Variants in SLCO3A1 observed in about 807,000 individuals in gnomAD.
The protein encoded by SLCO3A1 is PGE1 transporter.
Under a neutral mutation model 63.1 loss-of-function variants are expected in SLCO3A1, and 27 were observed. The ratio of observed to expected loss-of-function variants is 0.43; its 90% CI spans 0.32 to 0.59. SLCO3A1 has a LOEUF of 0.59. Ranked by LOEUF, SLCO3A1 falls within the 20% of genes least tolerant of loss-of-function variation. SLCO3A1 has a pLI of 0.09. For missense variants in SLCO3A1, 773 were observed against 945.8 expected, an observed-to-expected ratio of 0.82 and a Z score of 2.40; for synonymous variants, 473 against 409.9, an observed-to-expected ratio of 1.15 and a Z score of -1.86.
rs534506388 is a variant in SLCO3A1, at chr15:91,865,195, G to C, written c.180+11107G>C. On this transcript the variant is annotated intron_variant, in intron 1 of 9. Transcript: ENST00000318445. The surrounding 1 kb of genome is among the most constrained non-coding windows in gnomAD (Gnocchi z 4.6). Reference sequence around the variant, plus strand: ...TTCTGAGCTCTTTTGTACTTTATTTGGGAACAGGAATAAGTGGGGACTTGA... The same window carrying C: ...TTCTGAGCTCTTTTGTACTTTATTTCGGAACAGGAATAAGTGGGGACTTGA... Among the ~76,000 whole-genome samples, 1 of 152,282 alleles carries C rather than the reference G, an allele frequency of 6.6e-6. No homozygotes were observed. Among genetic ancestry groups the C allele is most frequent in the East Asian group, 1.9e-4 (1 of 5,184 alleles).
At chr15:92,056,647 A>G (rs903194296) in intron 2 of SLCO3A1, among the ~76,000 whole-genome samples, 3 of 152,118 alleles carry the variant, frequency 2.0e-5, no homozygotes, top group South Asian at 4.1e-4. Context: ...TCCCTTTCAA[A>G]CAATTTGCAA....
At chr15:92,155,947 C>T (rs1383953221) in intron 9 of SLCO3A1, among the ~76,000 whole-genome samples, 1 of 152,178 alleles carries the variant, frequency 6.6e-6, no homozygotes, top group Non-Finnish European at 1.5e-5. Flanking sequence ...CTTAATTTTC[C>T]AGCCTGCCCG....
At chr15:92,146,937 A>G in intron 7 of SLCO3A1, 47 bp from the exon 8 acceptor site, 1 of 1,540,810 alleles carries the variant, frequency 6.5e-7, no homozygotes, top group South Asian at 1.3e-5. Flanking sequence ...TTGCCTTTGG[A>G]AACCGGAAGT....
chr15:91,991,585 A>C (rs1377752769), intron 2 of SLCO3A1, among the ~76,000 whole-genome samples: 2 of 152,220 alleles, frequency 1.3e-5, no homozygotes, highest in East Asian at 3.9e-4. Context: ...CATGTTTCAA[A>C]AGTTAAAAGA....
chr15:92,130,061 G>A (rs2047973769), intron 7 of SLCO3A1, among the ~76,000 whole-genome samples: 1 of 152,210 alleles, frequency 6.6e-6, no homozygotes, highest in Admixed American at 6.5e-5. Flanking sequence ...TTATAAATCA[G>A]TCTCGGTTAT....
At chr15:91,976,362 T>G (rs1026001178) in intron 2 of SLCO3A1, among the ~76,000 whole-genome samples, 1 of 152,262 alleles carries the variant, frequency 6.6e-6, no homozygotes, top group African/African-American at 2.4e-5. Flanking sequence ...TTTTGCATGT[T>G]TCTACTTTTA....
intron 2 of SLCO3A1, among the ~76,000 whole-genome samples, chr15:91,932,270 T>C (rs974354074): frequency 2.0e-5 from 3 of 152,160 alleles, no homozygotes; most frequent in African/African-American, 7.2e-5. Context: ...ATTGATTTTT[T>C]GTCATCATGG....
At chr15:92,011,834 C>G (rs1359844821) in intron 2 of SLCO3A1, among the ~76,000 whole-genome samples, 1 of 152,222 alleles carries the variant, frequency 6.6e-6, no homozygotes, top group Non-Finnish European at 1.5e-5. Flanking sequence ...TAGCAGCCCT[C>G]TAGTGATGTG....
At chr15:91,959,255 G>A (rs1461759947) in intron 2 of SLCO3A1, among the ~76,000 whole-genome samples, 1 of 152,014 alleles carries the variant, frequency 6.6e-6, no homozygotes, top group Non-Finnish European at 1.5e-5. Flanking sequence ...GAGATATAAT[G>A]GACTCTGGGG....
intron 7 of SLCO3A1, among the ~76,000 whole-genome samples, chr15:92,134,292 T>C (rs943603089): frequency 6.6e-6 from 1 of 152,238 alleles, no homozygotes; most frequent in African/African-American, 2.4e-5. Context: ...TGGTAATGGC[T>C]TGTCAGAAGG....
In SLCO3A1 at chr15:91,883,846, C is replaced by T. The variant is rs1897658111; in HGVS notation, c.180+29758C>T. 1.3e-5 allele frequency among the ~76,000 whole-genome samples: 2 copies of T among 152,210 alleles called. No homozygotes were observed. Among genetic ancestry groups the T allele is most frequent in the African/African-American group, 4.8e-5 (2 of 41,452 alleles). ...CTGTGGGTCCACACCCCGTGCCAGGCACCGTGTTACATGCATTTCTTCTGC... is the reference window on the plus strand; with the variant it reads ...CTGTGGGTCCACACCCCGTGCCAGGTACCGTGTTACATGCATTTCTTCTGC... On this transcript the variant is annotated intron_variant, in intron 1 of 9. Transcript: ENST00000318445. This position sits in a 1 kb window ranked among gnomAD's most constrained non-coding sequence, Gnocchi z 4.8.
Position 92,150,968 on chromosome 15 carries a change from C to G in SLCO3A1, c.1707C>G (p.Leu569=). ...IILIRTVSPE[L]KSYALGVLFL... ...CACGTAGGACAGTCAGCCCTGAACT[C>G]AAGTCTTACGCTTTGGGAGTTCTTT... is the stretch of plus-strand genomic sequence containing the variant. Residue 569 remains leucine (L), a synonymous_variant, in exon 9 of 10, where the codon CTC becomes CTG. Coordinates refer to ENST00000318445, the MANE Select transcript of SLCO3A1 (RefSeq NM_013272.4). 6.2e-7 allele frequency: 1 copy of G among 1,612,662 alleles called. No individual in the cohort carries two copies. Among genetic ancestry groups the G allele is most frequent in the Non-Finnish European group, 8.5e-7 (1 of 1,179,466 alleles).
At position 91,853,713 on chromosome 15, in the gene SLCO3A1, C is replaced by CGCGGCGGCGGCG. The variant is rs58284139; in HGVS notation, c.-186_-175dup. 1.3e-4 allele frequency: 43 copies of CGCGGCGGCGGCG among 341,950 alleles called. 1 individual carries two copies. In the South Asian group the frequency reaches 3.1e-3, roughly 24 times the overall value. The allele number at this position is 341,950 out of a possible 1,614,324, so 21.2% of individuals were successfully genotyped here. On this transcript the variant is annotated 5_prime_UTR_variant, in exon 1 of 10. Transcript: ENST00000318445. ...GGGAGGAGGAGGAGGAAGGGGCGATCGCGGCGGCGGCGGCGGCGGCGAGGA... is the reference window on the plus strand; with the variant it reads ...GGGAGGAGGAGGAGGAAGGGGCGATCGCGGCGGCGGCGGCGGCGGCGGCGGCGGCGGCGAGGA...
chr15:92,128,286 A>G (rs1293395357), intron 6 of SLCO3A1, 65 bp from the exon 7 acceptor site: 11 of 1,599,672 alleles, frequency 6.9e-6, no homozygotes, highest in Non-Finnish European at 9.4e-6. Flanking sequence ...AAAGGCTGTC[A>G]CTGGGGGCAT....
intron 2 of SLCO3A1, among the ~76,000 whole-genome samples, chr15:91,957,118 T>TATATAGTATATA (rs1900259204): frequency 2.7e-5 from 1 of 36,760 alleles, no homozygotes; most frequent in South Asian, 7.6e-4. Context: ...ATATATATAA[T>TATATAGTATATA]ATATATAATA....
At chr15:91,940,521 C>T (rs1010659104) in intron 2 of SLCO3A1, among the ~76,000 whole-genome samples, 6 of 152,180 alleles carry the variant, frequency 3.9e-5, no homozygotes, top group Admixed American at 3.9e-4. Context: ...AATCAGTTGG[C>T]ATAGTGAATT....
Position 91,965,599 on chromosome 15 carries a change from C to T in SLCO3A1, c.646+49141C>T, listed in dbSNP as rs985804250. On this transcript the variant is annotated intron_variant, in intron 2 of 9. Coordinates refer to ENST00000318445, the MANE Select transcript of SLCO3A1 (RefSeq NM_013272.4). Reference sequence around the variant, plus strand: ...GCTCATCCTTCCTCCTCTCACCAGCCTGGCCTTGCCTAGGGAGTGGGAGTT... The same window carrying T: ...GCTCATCCTTCCTCCTCTCACCAGCTTGGCCTTGCCTAGGGAGTGGGAGTT... Among the ~76,000 whole-genome samples the T allele has an allele frequency of 3.9e-5, 6 of 152,206 alleles. No homozygotes were observed. The South Asian group carries it at 6.2e-4, about 16-fold the overall frequency.
At chr15:92,085,516 G>T (rs2047394340) in intron 2 of SLCO3A1, among the ~76,000 whole-genome samples, 1 of 152,202 alleles carries the variant, frequency 6.6e-6, no homozygotes, top group Non-Finnish European at 1.5e-5. Flanking sequence ...GCCTAGTTGG[G>T]AGTAATCCTG....
intron 9 of SLCO3A1, among the ~76,000 whole-genome samples, chr15:92,156,353 A>G (rs2151598975): frequency 1.3e-5 from 2 of 152,304 alleles, no homozygotes; most frequent in South Asian, 4.1e-4. Context: ...CTCTGTCAGC[A>G]GTGGACCTCA....
Sources: allele counts gnomAD v4.1 joint callset (sites outside exome capture counted in the v4.1 genomes callset), GRCh38; gene constraint gnomAD v4.1.1; non-coding constraint Gnocchi (gnomAD v3.1); transcripts MANE v1.5; gene names NCBI Gene and HGNC (gene_info 2026-07-23, HGNC 2026-07-21).